ITGA9: variants seen among roughly 807,000 people sequenced by gnomAD.
The protein encoded by ITGA9 is integrin alpha-9.
A neutral mutation model predicts 127.8 loss-of-function variants in ITGA9; 56 were observed. That is an observed-to-expected ratio of 0.44 (90% confidence interval 0.35 to 0.55). The LOEUF is 0.55. Among genes scored for constraint, ITGA9 ranks in the 20% least tolerant of loss-of-function variants. ITGA9 has a pLI of 0.00. For missense variants in ITGA9, 1,196 were observed against 1,347.1 expected (o/e 0.89, Z 1.76); for synonymous variants, 508 against 514.5 (o/e 0.99, Z 0.17).
rs1386500566 is a variant in ITGA9, at chr3:37,736,933, C to T, written c.2184C>T (p.Ser728=). The T allele has an allele frequency of 6.2e-7, 1 of 1,613,536 alleles. No homozygotes were observed. The highest frequency in any genetic ancestry group is 2.2e-5 in the East Asian group (1 of 44,892). Residue 728 remains serine (S), a synonymous_variant, in exon 20 of 28, where the codon AGC becomes AGT. Coordinates refer to ENST00000264741, the MANE Select transcript of ITGA9 (RefSeq NM_002207.3). ...KYEFSVIFDT[S]HLSGEEEVLS... is the part of the protein sequence containing the mutation. ...AATTCAGCGTGATCTTTGATACAAG[C>T]CACCTGTCTGGGGAAGAGGAAGTTC...
chr3:37,711,616 C>G (rs747865948), intron 18 of ITGA9, among the ~76,000 whole-genome samples: 1 of 152,166 alleles, frequency 6.6e-6, no homozygotes, highest in Non-Finnish European at 1.5e-5. Context: ...GTTGCCCAGG[C>G]TGGCCTCAAA....
In ITGA9 at chr3:37,629,383, C is replaced by T. The variant is rs139403277; in HGVS notation, c.1839+47C>T. 4.9e-4 allele frequency: 785 copies of T among 1,606,702 alleles called. 4 individuals are homozygous for T. The African/African-American group carries it at 8.8e-3, about 18-fold the overall frequency. The stretch of plus-strand genomic sequence containing the variant: ...CTCAGCACCCAAGGTGGCAGCTGCA[C>T]AGAGCAGAAATAATGGCCCAAAAGT... On this transcript the variant is annotated intron_variant, in intron 16 of 27. Coordinates refer to ENST00000264741, the MANE Select transcript of ITGA9 (RefSeq NM_002207.3). This position sits in a 1 kb window ranked among gnomAD's most constrained non-coding sequence, Gnocchi z 4.5.
chr3:37,452,473 C>T lies in ITGA9; in HGVS notation c.99C>T (p.Asp33=). Residue 33 remains aspartate (D), a synonymous_variant, in exon 1 of 28, where the codon GAC becomes GAT. Transcript: ENST00000264741. This position sits in a 1 kb window ranked among gnomAD's most constrained non-coding sequence, Gnocchi z 7.3. The part of the protein sequence containing the change: ...AGIPAGAYNL[D]PQRPVHFQGP... ...TCCCCGCGGGCGCCTACAACCTCGA[C>T]CCGCAGCGCCCCGTGCACTTCCAGG... is the stretch of plus-strand genomic sequence containing the variant. 1.3e-6 allele frequency: 2 copies of T among 1,503,436 alleles called. No homozygotes were observed. The highest frequency in any genetic ancestry group is 4.3e-5 in the Admixed American group (2 of 46,064). 93.1% of individuals were successfully genotyped at this position (1,503,436 alleles called of 1,614,324 possible). A position where few individuals can be genotyped will look rare whatever the true frequency, so the allele number is the denominator to read the frequency against.
intron 1 of ITGA9, among the ~76,000 whole-genome samples, chr3:37,470,504 A>G (rs928451174): frequency 3.3e-5 from 5 of 152,170 alleles, no homozygotes; most frequent in Non-Finnish European, 7.4e-5. Flanking sequence ...TTTGTGAAGT[A>G]TCTATGCTTG....
intron 17 of ITGA9, among the ~76,000 whole-genome samples, chr3:37,658,637 C>G (rs573931061): frequency 6.6e-6 from 1 of 152,280 alleles, no homozygotes; most frequent in South Asian, 2.1e-4. Flanking sequence ...GACTCTTCAT[C>G]CAATTTGCCA....
chr3:37,455,650 C>G (rs1326037355), intron 1 of ITGA9, among the ~76,000 whole-genome samples: 1 of 152,214 alleles, frequency 6.6e-6, no homozygotes, highest in Non-Finnish European at 1.5e-5. Context: ...AGCCTTGTAT[C>G]TTACGTCTCT....
At chr3:37,698,412 A>G (rs1028976662) in intron 18 of ITGA9, among the ~76,000 whole-genome samples, 1 of 152,150 alleles carries the variant, frequency 6.6e-6, no homozygotes, top group Non-Finnish European at 1.5e-5. Flanking sequence ...GTCCTTGCCT[A>G]TGCCTATGTC....
At chr3:37,517,364 G>T (rs762471398) in intron 9 of ITGA9, 140 bp from the exon 10 acceptor site, 1 of 724,156 alleles carries the variant, frequency 1.4e-6, no homozygotes, top group African/African-American at 1.8e-5. Flanking sequence ...TTGGGTTCCT[G>T]TAATTCTGCC....
intron 23 of ITGA9, among the ~76,000 whole-genome samples, chr3:37,769,389 A>G (rs570676923): frequency 6.6e-6 from 1 of 151,746 alleles, no homozygotes; most frequent in African/African-American, 2.4e-5. Context: ...GCTGCAAATT[A>G]TTTCTTTAAT....
chr3:37,672,687 G>A (rs865999353), intron 17 of ITGA9, among the ~76,000 whole-genome samples: 16 of 152,134 alleles, frequency 1.1e-4, no homozygotes, highest in Non-Finnish European at 1.5e-5. Context: ...GCTAGAGCAG[G>A]TGGTTTAGGG....
intron 1 of ITGA9, among the ~76,000 whole-genome samples, chr3:37,468,466 C>T (rs373756981): frequency 2.0e-5 from 3 of 152,150 alleles, no homozygotes; most frequent in Non-Finnish European, 2.9e-5. Context: ...AGGTTAGTGA[C>T]GATGTCCTTT....
intron 15 of ITGA9, among the ~76,000 whole-genome samples, chr3:37,576,212 G>A (rs150682166): frequency 1.5e-3 from 225 of 152,326 alleles, no homozygotes; most frequent in Middle Eastern, 3.4e-3. Flanking sequence ...GTGGGCCAGC[G>A]CCTTCTTGCA....
rs905521933 is a variant in ITGA9 at position 37,806,213 on chromosome 3, G to C, written c.3009+2271G>C. 9 of 152,226 alleles carry C rather than the reference G, an allele frequency of 5.9e-5. No individual in the cohort carries two copies. The highest frequency in any genetic ancestry group is 2.0e-4 in the Admixed American group (3 of 15,278). The allele number at this position is 152,226 out of a possible 1,614,324, so 9.4% of individuals were successfully genotyped here. A position where few individuals can be genotyped will look rare whatever the true frequency, so the allele number is the denominator to read the frequency against. ...GGTTTGTGGGTGGAGAACAAAGCCT[G>C]CTCAGTGTTTGGCATCTGAAAAGAC... is the stretch of plus-strand genomic sequence containing the variant. On this transcript the variant is annotated intron_variant, in intron 27 of 27. Coordinates refer to ENST00000264741, the MANE Select transcript of ITGA9 (RefSeq NM_002207.3). The surrounding 1 kb of genome is among the most constrained non-coding windows in gnomAD (Gnocchi z 4.3).
At chr3:37,630,036 T>G (rs1005195671) in intron 16 of ITGA9, among the ~76,000 whole-genome samples, 5 of 152,156 alleles carry the variant, frequency 3.3e-5, no homozygotes, top group African/African-American at 1.2e-4. Context: ...CACCACAGAT[T>G]CAGAACCCTG....
Position 37,653,677 on chromosome 3 carries a change from A to G in ITGA9, c.1840-37A>G, listed in dbSNP as rs748389218. On this transcript the variant is annotated intron_variant, in intron 16 of 27. Transcript: ENST00000264741. ...CCACTGTGTACTCGTTTGCCACTCA[A>G]TCCTGCCCTAACCTTCCTCTCCTGT... is the stretch of plus-strand genomic sequence containing the variant. The G allele has an allele frequency of 2.6e-5, 39 of 1,490,808 alleles. No homozygotes were observed. In the East Asian group the frequency reaches 5.4e-4, roughly 21 times the overall value. The allele number at this position is 1,490,808 out of a possible 1,614,324, so 92.3% of individuals were successfully genotyped here. A position where few individuals can be genotyped will look rare whatever the true frequency, so the allele number is the denominator to read the frequency against.
intron 22 of ITGA9, among the ~76,000 whole-genome samples, chr3:37,747,488 T>C (rs1696515523): frequency 6.6e-6 from 1 of 152,142 alleles, no homozygotes; most frequent in Non-Finnish European, 1.5e-5. Context: ...CTAGGTCTTA[T>C]TCTTTCAATT....
intron 8 of ITGA9, among the ~76,000 whole-genome samples, chr3:37,509,631 TG>T (rs1559523611): frequency 6.6e-6 from 1 of 152,242 alleles, no homozygotes; most frequent in East Asian, 1.9e-4. Flanking sequence ...GTACACTTAG[TG>T]TATAATTGTC....
intron 25 of ITGA9, 133 bp downstream of exon 25, chr3:37,780,154 T>C (rs1696959737): frequency 9.4e-7 from 1 of 1,063,378 alleles, no homozygotes; most frequent in Non-Finnish European, 1.4e-6. Context: ...CTGCCCCCCC[T>C]TTTGGCTGTC....
Position 37,799,162 on chromosome 3 carries a change from C to T in ITGA9, c.2890-4661C>T, listed in dbSNP as rs112874498. ...GAATTAATGGATCAAAGGGTATGAA[C>T]ATTTTTATTTTATTTTTTAATTTTT... On this transcript the variant is annotated intron_variant, in intron 26 of 27. Coordinates refer to ENST00000264741, the MANE Select transcript of ITGA9 (RefSeq NM_002207.3). This position sits in a 1 kb window ranked among gnomAD's most constrained non-coding sequence, Gnocchi z 4.0. 0.016 allele frequency among the ~76,000 whole-genome samples: 2,427 copies of T among 152,070 alleles called. 55 individuals are homozygous for T. Among genetic ancestry groups the T allele is most frequent in the African/African-American group, 0.054 (2,229 of 41,480 alleles).
Sources: gnomAD v4.1 joint callset for allele counts (sites outside exome capture counted in the v4.1 genomes callset) on GRCh38, gnomAD v4.1.1 for gene constraint, Gnocchi (gnomAD v3.1) non-coding constraint, MANE v1.5 for transcripts, NCBI Gene and HGNC (gene_info 2026-07-23, HGNC 2026-07-21) for gene names.